The following RIN3 variants were observed in gnomAD, a reference collection of about 807,000 sequenced individuals.
The protein encoded by RIN3 is RAB5 interacting protein 3.
A neutral mutation model predicts 76.3 loss-of-function variants in RIN3; 54 were observed. That is an observed-to-expected ratio of 0.71 (90% CI 0.57 to 0.89). The LOEUF (loss-of-function observed/expected upper bound fraction) is 0.89. Among genes scored for constraint, RIN3 ranks in the 40% least tolerant of loss-of-function variants. The pLI, the probability that RIN3 is intolerant of heterozygous loss-of-function variation, is 0.00. For synonymous variants in RIN3, 576 were observed against 564.0 expected (o/e 1.02, Z -0.30); for missense variants, 1,256 against 1,322.1 (o/e 0.95, Z 0.78).
At chr14:92,618,283 T>C (rs1053025709) in intron 4 of RIN3, among the ~76,000 whole-genome samples, 1 of 152,118 alleles carries the variant, frequency 6.6e-6, no homozygotes, top group Non-Finnish European at 1.5e-5. Context: ...AGATAAGAGT[T>C]TCATGATAGT....
intron 4 of RIN3, among the ~76,000 whole-genome samples, chr14:92,629,460 G>T (rs1886482796): frequency 6.6e-6 from 1 of 152,240 alleles, no homozygotes; most frequent in African/African-American, 2.4e-5. Context: ...ATACCCTCTA[G>T]AGGATTCCAT....
chr14:92,672,082 T>C (rs1888304576), intron 7 of RIN3, among the ~76,000 whole-genome samples: 1 of 152,098 alleles, frequency 6.6e-6, no homozygotes, highest in African/African-American at 2.4e-5. Context: ...CTATCCTGGC[T>C]AAAAGTCAGG....
rs145364892 is a variant in RIN3, at chr14:92,561,437, G to A, written c.249+5482G>A. ...TATTGGCCCATTTGTTCATTTGTGTGTATCCAGAAGCAAGGCAACCAAATA... is the reference window on the plus strand; with the variant it reads ...TATTGGCCCATTTGTTCATTTGTGTATATCCAGAAGCAAGGCAACCAAATA... On this transcript the variant is annotated intron_variant, in intron 2 of 9. Coordinates refer to ENST00000216487, the MANE Select transcript of RIN3 (RefSeq NM_024832.5). Among the ~76,000 whole-genome samples, 500 of 151,730 alleles carry A rather than the reference G, an allele frequency of 3.3e-3. 1 individual carries two copies. Among genetic ancestry groups the A allele is most frequent in the African/African-American group, 0.012 (477 of 41,368 alleles).
At chr14:92,522,870 G>C (rs1296026184) in intron 1 of RIN3, among the ~76,000 whole-genome samples, 1 of 152,176 alleles carries the variant, frequency 6.6e-6, no homozygotes, top group Admixed American at 6.5e-5. Context: ...TTTGCTTGGA[G>C]AACCCCTTAA....
At chr14:92,591,773 TCGAA>T (rs369204121) in intron 3 of RIN3, among the ~76,000 whole-genome samples, 54 of 151,196 alleles carry the variant, frequency 3.6e-4, no homozygotes, top group African/African-American at 1.3e-3. Context: ...AAAGACTTTC[TCGAA>T]CAAACAAACA....
chr14:92,566,524 C>G (rs1897920012), intron 2 of RIN3, among the ~76,000 whole-genome samples: 1 of 152,182 alleles, frequency 6.6e-6, no homozygotes, highest in South Asian at 2.1e-4. Context: ...AAGATCGGCT[C>G]TGACCAAATG....
intron 7 of RIN3, among the ~76,000 whole-genome samples, chr14:92,666,270 C>G (rs779554620): frequency 6.6e-6 from 1 of 152,150 alleles, no homozygotes. Flanking sequence ...TAGGGCGGGC[C>G]GCTAGCAAGA....
intron 3 of RIN3, among the ~76,000 whole-genome samples, chr14:92,615,072 A>AAT (rs1364702344): frequency 3.1e-4 from 47 of 151,968 alleles, no homozygotes; most frequent in African/African-American, 1.1e-3. Flanking sequence ...TGAACTCCTG[A>AAT]CCTTGTGATT....
chr14:92,621,063 T>G (rs1886160155), intron 4 of RIN3, among the ~76,000 whole-genome samples: 1 of 151,914 alleles, frequency 6.6e-6, no homozygotes, highest in Admixed American at 6.6e-5. Context: ...CCAAGGCAGG[T>G]GGATCACCAG....
At chr14:92,519,259 G>A (rs750057182) in intron 1 of RIN3, among the ~76,000 whole-genome samples, 9 of 152,238 alleles carry the variant, frequency 5.9e-5, no homozygotes, top group South Asian at 2.1e-4. Flanking sequence ...AAGCTACCTG[G>A]AAGGAAATGG....
chr14:92,520,457 T>C (rs12889549), intron 1 of RIN3, among the ~76,000 whole-genome samples: 40,139 of 152,186 alleles, frequency 0.26, 9,607 homozygotes, highest in African/African-American at 0.64. Context: ...GAAGGTGGCC[T>C]CCATTTTGCT....
At chr14:92,654,477 A>G (rs971898097) in intron 6 of RIN3, among the ~76,000 whole-genome samples, 1 of 152,168 alleles carries the variant, frequency 6.6e-6, no homozygotes, top group African/African-American at 2.4e-5. Context: ...TCCCCACCCA[A>G]TAATGAAAGA....
In RIN3 at chr14:92,652,543, C is replaced by G; in HGVS notation, c.1494C>G (p.Pro498=). ...TGGAGACACCCACGCCGGGTCCACC[C>G]AGAGAGGGCCAAAGCCCTGCTTCTC... ...MALETPTPGP[P]REGQSPASQA... is the part of the protein sequence containing the mutation. Residue 498 remains proline, a synonymous_variant, in exon 6 of 10, where the codon CCC becomes CCG. Coordinates refer to ENST00000216487, the MANE Select transcript of RIN3 (RefSeq NM_024832.5). This position sits in a 1 kb window ranked among gnomAD's most constrained non-coding sequence, Gnocchi z 6.4. The G allele has an allele frequency of 6.2e-7, 1 of 1,613,560 alleles. No individual in the cohort carries two copies. The highest frequency in any genetic ancestry group is 8.5e-7 in the Non-Finnish European group (1 of 1,179,914).
chr14:92,670,480 C>T (rs1333032793), intron 7 of RIN3, among the ~76,000 whole-genome samples: 2 of 152,160 alleles, frequency 1.3e-5, no homozygotes, highest in African/African-American at 4.8e-5. Flanking sequence ...GGGCTTAGCC[C>T]TGAGCCTGGG....
At chr14:92,671,922 A>G (rs947832183) in intron 7 of RIN3, among the ~76,000 whole-genome samples, 7 of 152,094 alleles carry the variant, frequency 4.6e-5, no homozygotes, top group African/African-American at 1.7e-4. Context: ...TTAAACAAGG[A>G]CGGGCCATAA....
At chr14:92,641,536 C>T (rs1331917497) in intron 5 of RIN3, among the ~76,000 whole-genome samples, 2 of 152,192 alleles carry the variant, frequency 1.3e-5, no homozygotes, top group Admixed American at 6.5e-5. Flanking sequence ...CCCAGGACGC[C>T]CTGAGGCCCA....
At chr14:92,516,511 G>A (rs935654631) in intron 1 of RIN3, among the ~76,000 whole-genome samples, 28 of 152,114 alleles carry the variant, frequency 1.8e-4, no homozygotes, top group Non-Finnish European at 2.9e-5. Flanking sequence ...TTCCCTGGAG[G>A]TCCTGACTGG....
In RIN3 at chr14:92,659,483, C is replaced by T. The variant is rs750571280; in HGVS notation, c.2335+14C>T. 30 of 1,581,110 alleles carry T rather than the reference C, an allele frequency of 1.9e-5. No individual in the cohort carries two copies. The highest frequency in any genetic ancestry group is 1.4e-4 in the Admixed American group (8 of 55,682). Reference sequence around the variant, plus strand: ...TCGGCAACCCAGGTCAGTGGGCAGCCGGGAGGGGTCTGGGTGAGGAGCTCT... The same window carrying T: ...TCGGCAACCCAGGTCAGTGGGCAGCTGGGAGGGGTCTGGGTGAGGAGCTCT... On this transcript the variant is annotated intron_variant, in intron 7 of 9. Transcript: ENST00000216487.
chr14:92,584,020 G>C (rs1261639068), intron 3 of RIN3, among the ~76,000 whole-genome samples: 1 of 152,180 alleles, frequency 6.6e-6, no homozygotes, highest in African/African-American at 2.4e-5. Context: ...GTGCGCCCCG[G>C]TTCCTACCAG....
Sources: allele counts gnomAD v4.1 joint callset (sites outside exome capture counted in the v4.1 genomes callset), GRCh38; gene constraint gnomAD v4.1.1; non-coding constraint Gnocchi (gnomAD v3.1); transcripts MANE v1.5; gene names NCBI Gene and HGNC (gene_info 2026-07-23, HGNC 2026-07-21).